The following DNMT3A variants were observed in gnomAD, a reference collection of about 807,000 sequenced individuals.
DNMT3A encodes the protein DNA methyltransferase 3 alpha.
DNMT3A carries 267 observed loss-of-function variants against 117.6 expected under a neutral mutation model. The observed-to-expected ratio is 2.27, with a 90% CI of 2.05 to 2.51. The LOEUF (loss-of-function observed/expected upper bound fraction) is 2.51. Among genes scored for constraint, DNMT3A ranks in the 30% most tolerant of loss-of-function variants. DNMT3A has a pLI of 0.00. For missense variants in DNMT3A, 1,029 were observed against 1,260.2 expected (o/e 0.82, Z 2.78); for synonymous variants, 432 against 474.8 (o/e 0.91, Z 1.17).
rs1047439937 is a variant in DNMT3A at position 25,282,081 on chromosome 2, G to A, written c.448+360C>T. 8 of 1,144,524 alleles carry A rather than the reference G, an allele frequency of 7.0e-6. No homozygotes were observed. The highest frequency in any genetic ancestry group is 8.8e-6 in the Non-Finnish European group (8 of 908,232). The allele number at this position is 1,144,524 out of a possible 1,614,324, so 70.9% of individuals were successfully genotyped here. On this transcript the variant is annotated intron_variant, in intron 4 of 22. Transcript: ENST00000321117. This position sits in a 1 kb window ranked among gnomAD's most constrained non-coding sequence, Gnocchi z 5.2. ...TAAGGCCCACAACCAGCCACAGAAG[G>A]CGATGGAGGGACCGCCATTATCCCA...
At chr2:25,261,438 C>CAAAAAAA (rs1299589500) in intron 6 of DNMT3A, among the ~76,000 whole-genome samples, 3 of 30,106 alleles carry the variant, frequency 1.0e-4, no homozygotes, top group Admixed American at 4.0e-4. Context: ...GACTCTGTCT[C>CAAAAAAA]AAAAAAAAAA....
In DNMT3A at chr2:25,245,306, T is replaced by A; in HGVS notation, c.1501A>T (p.Asn501Tyr). ...AAGAGGGGGTGTTCCAGGGTAACAT[T>A]GAGGCTCCCACAGGAGATGCAGATG... ...EDICISCGSL[N>Y]VTLEHPLFVG... Residue 501 changes from asparagine (N) to tyrosine (Y), a missense_variant, in exon 13 of 23, where the codon AAT (asparagine) becomes TAT (tyrosine). Coordinates refer to ENST00000321117, the MANE Select transcript of DNMT3A (RefSeq NM_022552.5). 1 of 1,613,782 alleles carries A rather than the reference T, an allele frequency of 6.2e-7. No individual in the cohort carries two copies. Among genetic ancestry groups the A allele is most frequent in the Non-Finnish European group, 8.5e-7 (1 of 1,179,938 alleles).
intron 1 of DNMT3A, among the ~76,000 whole-genome samples, chr2:25,341,188 C>G (rs1457503184): frequency 2.1e-5 from 3 of 145,344 alleles, no homozygotes. Context: ...TCCCCCGCCC[C>G]GCGGGGCCGA....
chr2:25,247,648 G>A lies in DNMT3A; in HGVS notation c.957C>T (p.Ser319=). ...CCCAGCGGGTGCCTTCAGCTGCTCGGCTCCGGCCCGTCATCCACCAAGACA... is the reference window on the plus strand; with the variant it reads ...CCCAGCGGGTGCCTTCAGCTGCTCGACTCCGGCCCGTCATCCACCAAGACA... ...RIVSWWMTGR[S]RAAEGTRWVM... is the part of the protein sequence containing the mutation. Residue 319 remains serine, a synonymous_variant, in exon 8 of 23, where the codon AGC becomes AGT. Coordinates refer to ENST00000321117, the MANE Select transcript of DNMT3A (RefSeq NM_022552.5). This position sits in a 1 kb window ranked among gnomAD's most constrained non-coding sequence, Gnocchi z 5.6. The A allele has an allele frequency of 6.2e-7, 1 of 1,614,022 alleles. No individual in the cohort carries two copies. Among genetic ancestry groups the A allele is most frequent in the Non-Finnish European group, 8.5e-7 (1 of 1,180,018 alleles).
rs948520579 is a variant in DNMT3A at position 25,281,578 on chromosome 2, C to G, written c.448+863G>C. The G allele has an allele frequency of 1.9e-6, 2 of 1,063,452 alleles. No individual in the cohort carries two copies. Among genetic ancestry groups the G allele is most frequent in the African/African-American group, 3.3e-5 (2 of 60,956 alleles). 65.9% of individuals were successfully genotyped at this position (1,063,452 alleles called of 1,614,324 possible). ...TCATCATACACGCTTGGAAGGAAGA[C>G]TTTTTGAAATTAAAATGCACATATG... On this transcript the variant is annotated intron_variant, in intron 4 of 22. Transcript: ENST00000321117. This position sits in a 1 kb window ranked among gnomAD's most constrained non-coding sequence, Gnocchi z 4.8.
Position 25,237,172 on chromosome 2 carries a change from C to T in DNMT3A, c.2409-167G>A, listed in dbSNP as rs573863557. ...TAACTCTCTTCAAACTCCCCGCAAACACACGAACACACACTGCAGCCATGC... is the reference window on the plus strand; with the variant it reads ...TAACTCTCTTCAAACTCCCCGCAAATACACGAACACACACTGCAGCCATGC... On this transcript the variant is annotated intron_variant, in intron 20 of 22. Transcript: ENST00000321117. This position sits in a 1 kb window ranked among gnomAD's most constrained non-coding sequence, Gnocchi z 5.4. Among the ~76,000 whole-genome samples, 13 of 152,198 alleles carry T rather than the reference C, an allele frequency of 8.5e-5. No homozygotes were observed. Among genetic ancestry groups the T allele is most frequent in the Non-Finnish European group, 1.8e-4 (12 of 68,046 alleles).
intron 2 of DNMT3A, 51 bp from the exon 3 acceptor site, chr2:25,300,294 A>G (rs775364665): frequency 6.3e-7 from 1 of 1,584,264 alleles, no homozygotes; most frequent in Admixed American, 1.7e-5. Flanking sequence ...CCAGCAGTGT[A>G]GCATTCCAGG....
In DNMT3A at chr2:25,302,194, T is replaced by C. The variant is rs181552772; in HGVS notation, c.73-1951A>G. On this transcript the variant is annotated intron_variant, in intron 2 of 22. Coordinates refer to ENST00000321117, the MANE Select transcript of DNMT3A (RefSeq NM_022552.5). ...AGAGAGGCAGAGCTCACACAGGAGATAGAGAGAGAATGCTCGGAGGTGCAG... is the reference window on the plus strand; with the variant it reads ...AGAGAGGCAGAGCTCACACAGGAGACAGAGAGAGAATGCTCGGAGGTGCAG... 2.0e-5 allele frequency among the ~76,000 whole-genome samples: 3 copies of C among 151,840 alleles called. No homozygotes were observed. In the East Asian group the frequency reaches 5.9e-4, roughly 30 times the overall value.
intron 6 of DNMT3A, among the ~76,000 whole-genome samples, chr2:25,273,930 G>A (rs998166292): frequency 6.6e-6 from 1 of 152,168 alleles, no homozygotes; most frequent in African/African-American, 2.4e-5. Context: ...CAGAAATGTC[G>A]GGGTTTTCAT....
rs1184246913 is a variant in DNMT3A at position 25,228,423 on chromosome 2, A to C, written c.*5856T>G. ...TGCTCTGCCACCGGGGTCAAAGCGAAATCGTCTGTAACAGTAAAAGTTATT... is the reference window on the plus strand; with the variant it reads ...TGCTCTGCCACCGGGGTCAAAGCGACATCGTCTGTAACAGTAAAAGTTATT... On this transcript the variant is annotated 3_prime_UTR_variant, in exon 23 of 23. Transcript: ENST00000321117. The C allele has an allele frequency of 6.6e-6, 1 of 151,808 alleles. No individual in the cohort carries two copies. Among genetic ancestry groups the C allele is most frequent in the African/African-American group, 2.4e-5 (1 of 41,308 alleles). 9.4% of individuals were successfully genotyped at this position (151,808 alleles called of 1,614,324 possible).
At chr2:25,334,170 G>A (rs1460738675) in intron 1 of DNMT3A, among the ~76,000 whole-genome samples, 2 of 152,190 alleles carry the variant, frequency 1.3e-5, no homozygotes, top group Non-Finnish European at 2.9e-5. Flanking sequence ...ACCCATGGGT[G>A]GGGTGCGGGA....
chr2:25,304,225 C>T lies in DNMT3A; in HGVS notation c.73-3982G>A, dbSNP rs1483525780. ...GAGGGCAGAGCCGGGCTGGGAGTTT[C>T]GCTCTGCTCTTTGCTTAGGAGTAAC... On this transcript the variant is annotated intron_variant, in intron 2 of 22. Transcript: ENST00000321117. This position sits in a 1 kb window ranked among gnomAD's most constrained non-coding sequence, Gnocchi z 4.3. Among the ~76,000 whole-genome samples, 1 of 152,178 alleles carries T rather than the reference C, an allele frequency of 6.6e-6. No homozygotes were observed. Among genetic ancestry groups the T allele is most frequent in the South Asian group, 2.1e-4 (1 of 4,826 alleles).
In DNMT3A at chr2:25,306,169, C is replaced by A. The variant is rs1007923976; in HGVS notation, c.73-5926G>T. On this transcript the variant is annotated intron_variant, in intron 2 of 22. Coordinates refer to ENST00000321117, the MANE Select transcript of DNMT3A (RefSeq NM_022552.5). The surrounding 1 kb of genome is among the most constrained non-coding windows in gnomAD (Gnocchi z 4.1). ...AGAGCTACAGCCACACGCTTGCGTA[C>A]CCCAATGCCACACAGACACTCACAT... Among the ~76,000 whole-genome samples the A allele has an allele frequency of 2.0e-5, 3 of 152,180 alleles. No individual in the cohort carries two copies. The highest frequency in any genetic ancestry group is 1.3e-4 in the Admixed American group (2 of 15,274).
At chr2:25,269,178 T>C (rs1412348063) in intron 6 of DNMT3A, among the ~76,000 whole-genome samples, 1 of 152,134 alleles carries the variant, frequency 6.6e-6, no homozygotes, top group African/African-American at 2.4e-5. Flanking sequence ...AAAAATTAGC[T>C]GGGTGTGGTG....
intron 1 of DNMT3A, among the ~76,000 whole-genome samples, chr2:25,338,218 G>C (rs1394209922): frequency 6.6e-6 from 1 of 152,172 alleles, no homozygotes; most frequent in South Asian, 2.1e-4. Context: ...GGGAAGAACT[G>C]GGCACCACCT....
At chr2:25,321,818 C>T (rs944913375) in intron 1 of DNMT3A, among the ~76,000 whole-genome samples, 5 of 152,120 alleles carry the variant, frequency 3.3e-5, no homozygotes, top group Admixed American at 1.3e-4. Context: ...CCCAGGAGGT[C>T]GAGGCTGCAG....
At chr2:25,314,800 C>CT (rs2034302997) in intron 1 of DNMT3A, 1 of 743,854 alleles carries the variant, frequency 1.3e-6, no homozygotes, top group Non-Finnish European at 1.6e-6. Flanking sequence ...AGGCTGCTCT[C>CT]TCCCCCACCC....
At chr2:25,297,850 C>G (rs2033186515) in intron 3 of DNMT3A, among the ~76,000 whole-genome samples, 1 of 152,152 alleles carries the variant, frequency 6.6e-6, no homozygotes, top group South Asian at 2.1e-4. Context: ...TGCCAAGTGC[C>G]CCAGGAGGTG....
At position 25,234,006 on chromosome 2, in the gene DNMT3A, AAAGGGAAGGGGGAGG is replaced by A. The variant is rs1031067714; in HGVS notation, c.*258_*272del. On this transcript the variant is annotated 3_prime_UTR_variant, in exon 23 of 23. Coordinates refer to ENST00000321117, the MANE Select transcript of DNMT3A (RefSeq NM_022552.5). The surrounding 1 kb of genome is among the most constrained non-coding windows in gnomAD (Gnocchi z 4.5). ...GAAAATAAAAGGTCTGACCGAAAAA[AAAGGGAAGGGGGAGG>A]AAGGGAAGGGAGCTTGGTTTTGTTT... 7 of 327,304 alleles carry A rather than the reference AAAGGGAAGGGGGAGG, an allele frequency of 2.1e-5. No individual in the cohort carries two copies. Among genetic ancestry groups the A allele is most frequent in the African/African-American group, 4.2e-5 (2 of 47,484 alleles). The allele number at this position is 327,304 out of a possible 1,614,324, so 20.3% of individuals were successfully genotyped here.
Sources: gnomAD v4.1 joint callset for allele counts (sites outside exome capture counted in the v4.1 genomes callset) on GRCh38, gnomAD v4.1.1 for gene constraint, Gnocchi (gnomAD v3.1) non-coding constraint, MANE v1.5 for transcripts, NCBI Gene and HGNC (gene_info 2026-07-23, HGNC 2026-07-21) for gene names.